Variants in THADA observed in about 807,000 individuals in gnomAD.
The protein encoded by THADA is THADA armadillo repeat containing.
In THADA, 213 loss-of-function variants were observed where a neutral mutation model predicts 219.8. The ratio of observed to expected loss-of-function variants is 0.97; its 90% CI spans 0.87 to 1.09. The LOEUF is 1.09. THADA is among the 50% of genes least tolerant of loss of function. The pLI, the probability that THADA is intolerant of heterozygous loss-of-function variation, is 0.00. For missense variants in THADA, 2,956 were observed against 2,311.3 expected, an observed-to-expected ratio of 1.28 and a Z score of -5.72; for synonymous variants, 1,018 against 828.9, an observed-to-expected ratio of 1.23 and a Z score of -3.92.
intron 22 of THADA, among the ~76,000 whole-genome samples, chr2:43,525,627 TG>T (rs1419896358): frequency 6.6e-6 from 1 of 152,156 alleles, no homozygotes; most frequent in Non-Finnish European, 1.5e-5. Context: ...CGAGTGAAGT[TG>T]TCTTAGGTCC....
intron 29 of THADA, among the ~76,000 whole-genome samples, chr2:43,378,746 C>T (rs1449033096): frequency 6.6e-6 from 1 of 152,158 alleles, no homozygotes; most frequent in Admixed American, 6.5e-5. Context: ...GCTGGGATTA[C>T]AGGCACCCAA....
chr2:43,309,934 CA>C (rs1350551843), intron 31 of THADA, among the ~76,000 whole-genome samples: 1 of 152,042 alleles, frequency 6.6e-6, no homozygotes, highest in African/African-American at 2.4e-5. Context: ...GAACAATCCA[CA>C]AATGAAATTA....
At chr2:43,556,639 T>A in intron 16 of THADA, 84 bp from the exon 17 acceptor site, 1 of 1,307,950 alleles carries the variant, frequency 7.6e-7, no homozygotes, top group Non-Finnish European at 1.0e-6. Flanking sequence ...AAACACAGCC[T>A]GGAGCTGAGT....
chr2:43,422,726 C>CT (rs1018201732), intron 28 of THADA, among the ~76,000 whole-genome samples: 1 of 152,052 alleles, frequency 6.6e-6, no homozygotes, highest in Non-Finnish European at 1.5e-5. Flanking sequence ...TCTTTCAAGG[C>CT]TTTTTTGGGG....
chr2:43,458,764 A>G (rs1284853821), intron 26 of THADA, among the ~76,000 whole-genome samples: 1 of 152,194 alleles, frequency 6.6e-6, no homozygotes, highest in Non-Finnish European at 1.5e-5. Flanking sequence ...GCATAAAGCT[A>G]AGGTATTCTA....
intron 26 of THADA, among the ~76,000 whole-genome samples, chr2:43,467,046 G>C (rs1684327454): frequency 6.6e-6 from 1 of 151,610 alleles, no homozygotes; most frequent in African/African-American, 2.4e-5. Context: ...GCCAGGCGTG[G>C]TAGCGGGCGC....
At chr2:43,336,417 G>A (rs1322013790) in intron 30 of THADA, among the ~76,000 whole-genome samples, 2 of 151,886 alleles carry the variant, frequency 1.3e-5, no homozygotes, top group Non-Finnish European at 2.9e-5. Flanking sequence ...GACTACAGGT[G>A]CATGCCACCA....
chr2:43,280,673 C>CA (rs1028051620), intron 35 of THADA, among the ~76,000 whole-genome samples: 1 of 151,614 alleles, frequency 6.6e-6, no homozygotes, highest in African/African-American at 2.4e-5. Flanking sequence ...ACAACAACAA[C>CA]AAAAAAAAGA....
At chr2:43,404,237 G>C (rs1188686190) in intron 28 of THADA, among the ~76,000 whole-genome samples, 3 of 152,076 alleles carry the variant, frequency 2.0e-5, no homozygotes, top group Non-Finnish European at 4.4e-5. Flanking sequence ...CTGTCACTCA[G>C]GCTGGAGTTC....
intron 22 of THADA, among the ~76,000 whole-genome samples, chr2:43,519,922 A>G (rs1166051531): frequency 6.6e-6 from 1 of 152,208 alleles, no homozygotes; most frequent in Admixed American, 6.5e-5. Flanking sequence ...TCTGCTCCCC[A>G]GCAAGGAAAG....
intron 28 of THADA, among the ~76,000 whole-genome samples, chr2:43,408,943 T>A (rs1264259998): frequency 6.6e-6 from 1 of 152,194 alleles, no homozygotes; most frequent in African/African-American, 2.4e-5. Flanking sequence ...GGAGAACAAA[T>A]GACCAGTGTT....
intron 26 of THADA, among the ~76,000 whole-genome samples, chr2:43,454,506 G>A (rs1682746372): frequency 6.6e-6 from 1 of 152,000 alleles, no homozygotes; most frequent in South Asian, 2.1e-4. Context: ...GATGGCTGAG[G>A]TGGGAACATC....
intron 30 of THADA, among the ~76,000 whole-genome samples, chr2:43,328,808 C>T (rs1005988788): frequency 3.9e-5 from 6 of 152,220 alleles, no homozygotes; most frequent in Non-Finnish European, 7.3e-5. Context: ...CCACAGCCTC[C>T]TCTGTTTCCC....
chr2:43,306,931 T>C (rs1363948159), intron 31 of THADA, among the ~76,000 whole-genome samples: 14 of 152,200 alleles, frequency 9.2e-5, no homozygotes, highest in Non-Finnish European at 7.4e-5. Flanking sequence ...AATGTGACTA[T>C]TCACAATTTT....
chr2:43,235,747 A>C (rs1348016946), intron 36 of THADA, among the ~76,000 whole-genome samples: 2 of 152,142 alleles, frequency 1.3e-5, no homozygotes, highest in Non-Finnish European at 2.9e-5. Flanking sequence ...CAGAGATGCC[A>C]CCAAGGAAGG....
rs991452096 is a variant in THADA, at chr2:43,527,974, T to C, written c.3279A>G (p.Gly1093=). Residue 1093 remains glycine, a synonymous_variant, in exon 22 of 38, where the codon GGA becomes GGG. Transcript: ENST00000405975. ...LLTVEQVKEI[G]DYFKQHLLQS... ...GCAAAAGGTGTTGTTTAAAGTAATC[T>C]CCTATTTCTTTTACCTTTAAAAAAA... 6 of 1,611,630 alleles carry C rather than the reference T, an allele frequency of 3.7e-6. No individual in the cohort carries two copies. The highest frequency in any genetic ancestry group is 3.3e-4 in the Middle Eastern group (2 of 6,058).
At chr2:43,367,645 A>C (rs1367865450) in intron 29 of THADA, among the ~76,000 whole-genome samples, 1 of 152,228 alleles carries the variant, frequency 6.6e-6, no homozygotes, top group Non-Finnish European at 1.5e-5. Context: ...ATTAGAGGCA[A>C]GGTACAAGAT....
chr2:43,343,538 C>T (rs1667289806), intron 30 of THADA: 1 of 152,462 alleles, frequency 6.6e-6, no homozygotes, highest in Admixed American at 6.5e-5. Flanking sequence ...CTGTATATTA[C>T]ATGAGAAATT....
intron 36 of THADA, among the ~76,000 whole-genome samples, chr2:43,248,152 TATATATATATATAGAGAG>T (rs1211703173): frequency 2.5e-3 from 227 of 89,298 alleles, no homozygotes; most frequent in Middle Eastern, 5.2e-3. Context: ...TATATATATA[TATATATATATATAGAGAG>T]AGAGAGAGAG....
Sources: allele counts gnomAD v4.1 joint callset (sites outside exome capture counted in the v4.1 genomes callset), GRCh38; gene constraint gnomAD v4.1.1; transcripts MANE v1.5; gene names NCBI Gene and HGNC (gene_info 2026-07-23, HGNC 2026-07-21).